PPM1E: variants seen among roughly 807,000 people sequenced by gnomAD.
PPM1E encodes protein phosphatase, Mg2+/Mn2+ dependent 1E.
In PPM1E, 20 loss-of-function variants were observed where a neutral mutation model predicts 65.9. That is an observed-to-expected ratio of 0.30 (90% CI 0.21 to 0.44). The LOEUF (loss-of-function observed/expected upper bound fraction) is 0.44. Ranked by LOEUF, PPM1E falls within the 20% of genes least tolerant of loss-of-function variation. The probability of loss-of-function intolerance (pLI) is 1.00; values close to 1 mark genes in which losing one functional copy is unlikely to be tolerated. For synonymous variants in PPM1E, 352 were observed against 374.9 expected, an observed-to-expected ratio of 0.94 and a Z score of 0.70; for missense variants, 713 against 953.1, an observed-to-expected ratio of 0.75 and a Z score of 3.32.
chr17:58,938,306 C>T (rs2052013487), intron 1 of PPM1E, among the ~76,000 whole-genome samples: 1 of 152,094 alleles, frequency 6.6e-6, no homozygotes, highest in African/African-American at 2.4e-5. Context: ...TAAGGTTACC[C>T]AGCTATAACT....
At chr17:58,860,523 C>T (rs2050928061) in intron 1 of PPM1E, among the ~76,000 whole-genome samples, 1 of 152,112 alleles carries the variant, frequency 6.6e-6, no homozygotes. Context: ...ATGAAGCTGA[C>T]CAAAAGAGGG....
intron 1 of PPM1E, among the ~76,000 whole-genome samples, chr17:58,819,205 G>A: frequency 6.6e-6 from 1 of 152,124 alleles, no homozygotes; most frequent in East Asian, 1.9e-4. Context: ...GAGTGCAGTG[G>A]TGCAATCTCG....
At chr17:58,881,956 T>C (rs929028501) in intron 1 of PPM1E, among the ~76,000 whole-genome samples, 7 of 148,702 alleles carry the variant, frequency 4.7e-5, no homozygotes, top group African/African-American at 1.7e-4. Flanking sequence ...CCCCAGGAGT[T>C]TGAGACCAGC....
chr17:58,839,322 TA>T (rs533486794), intron 1 of PPM1E, among the ~76,000 whole-genome samples: 131 of 148,172 alleles, frequency 8.8e-4, no homozygotes, highest in African/African-American at 2.5e-3. Flanking sequence ...ACCTTGTCTC[TA>T]AAAAAAAAAA....
intron 1 of PPM1E, among the ~76,000 whole-genome samples, chr17:58,883,545 G>A (rs1229678916): frequency 7.0e-6 from 1 of 143,138 alleles, no homozygotes; most frequent in African/African-American, 2.6e-5. Context: ...GTGCAGTGGC[G>A]CGATCTCGGC....
chr17:58,787,900 C>CT (rs2050117324), intron 1 of PPM1E, among the ~76,000 whole-genome samples: 1 of 133,874 alleles, frequency 7.5e-6, no homozygotes, highest in African/African-American at 2.7e-5. Flanking sequence ...GAGTAAGACT[C>CT]TGTCTAAAAA....
At position 58,835,483 on chromosome 17, in the gene PPM1E, C is replaced by G. The variant is rs142709334; in HGVS notation, c.464+79022C>G. ...TGTTCTGGGAAATTTTATTACCTGT[C>G]ATATTGTTGGGCCTTCCCACTGTAG... On this transcript the variant is annotated intron_variant, in intron 1 of 6. Coordinates refer to ENST00000308249, the MANE Select transcript of PPM1E (RefSeq NM_014906.5). Among the ~76,000 whole-genome samples, 876 of 151,976 alleles carry G rather than the reference C, an allele frequency of 5.8e-3. 5 individuals carry two copies. Among genetic ancestry groups the G allele is most frequent in the African/African-American group, 9.4e-3 (388 of 41,432 alleles).
At chr17:58,861,528 T>C (rs1350748143) in intron 1 of PPM1E, among the ~76,000 whole-genome samples, 1 of 152,154 alleles carries the variant, frequency 6.6e-6, no homozygotes, top group Admixed American at 6.5e-5. Flanking sequence ...TTTAAATGGG[T>C]GACGGATATC....
intron 1 of PPM1E, among the ~76,000 whole-genome samples, chr17:58,809,480 A>G (rs1449765118): frequency 2.6e-5 from 4 of 152,046 alleles, no homozygotes; most frequent in Non-Finnish European, 4.4e-5. Context: ...CTTACCTCCC[A>G]GACTCAATCC....
Position 58,756,314 on chromosome 17 carries a change from C to A in PPM1E, c.317C>A (p.Ala106Glu). The A allele has an allele frequency of 6.7e-7, 1 of 1,503,400 alleles. No individual in the cohort carries two copies. Among genetic ancestry groups the A allele is most frequent in the Non-Finnish European group, 8.9e-7 (1 of 1,127,040 alleles). The allele number at this position is 1,503,400 out of a possible 1,614,324, so 93.1% of individuals were successfully genotyped here. A position where few individuals can be genotyped will look rare whatever the true frequency, so the allele number is the denominator to read the frequency against. Reference sequence around the variant, plus strand: ...GAGGAGGAGGGCGCGGCGACGGCGGCGGCAGCCCCGGGGCACTCGGCCGTG... The same window carrying A: ...GAGGAGGAGGGCGCGGCGACGGCGGAGGCAGCCCCGGGGCACTCGGCCGTG... ...EEEEEGAATA[A>E]AAPGHSAVPP... The change falls in exon 1 of 7, where the codon GCG (alanine) becomes GAG (glutamate). Residue 106 changes from alanine to glutamate, a missense_variant. By Grantham distance (107) the Ala-to-Glu change is moderately radical (BLOSUM62 -1). Transcript: ENST00000308249.
chr17:58,808,732 A>G (rs777885163), intron 1 of PPM1E, among the ~76,000 whole-genome samples: 4 of 152,186 alleles, frequency 2.6e-5, no homozygotes, highest in Non-Finnish European at 4.4e-5. Context: ...TGATCACTAC[A>G]ATCTAATTTT....
At chr17:58,882,771 G>A (rs1382666380) in intron 1 of PPM1E, among the ~76,000 whole-genome samples, 1 of 151,898 alleles carries the variant, frequency 6.6e-6, no homozygotes, top group Non-Finnish European at 1.5e-5. Context: ...ACTTCATAAT[G>A]TTCCACAGAG....
intron 2 of PPM1E, among the ~76,000 whole-genome samples, chr17:58,957,507 A>G (rs1056906610): frequency 6.6e-6 from 1 of 152,148 alleles, no homozygotes; most frequent in African/African-American, 2.4e-5. Context: ...CTGATCTACT[A>G]TTATTCTAAA....
intron 1 of PPM1E, among the ~76,000 whole-genome samples, chr17:58,895,976 G>A (rs560069436): frequency 6.8e-4 from 103 of 151,094 alleles, no homozygotes; most frequent in African/African-American, 8.0e-4. Flanking sequence ...TTAGCTGGGT[G>A]TGGTGGCAGG....
chr17:58,850,684 A>G (rs1020748748), intron 1 of PPM1E, among the ~76,000 whole-genome samples: 9 of 152,142 alleles, frequency 5.9e-5, no homozygotes, highest in East Asian at 1.9e-4. Context: ...GAGTAACCCA[A>G]CCTTTCTCTC....
chr17:58,932,778 T>TG (rs1335565486), intron 1 of PPM1E, among the ~76,000 whole-genome samples: 2 of 151,722 alleles, frequency 1.3e-5, no homozygotes, highest in African/African-American at 4.8e-5. Context: ...ACAAAGCAAA[T>TG]GAAAAAAATA....
At chr17:58,964,519 T>C (rs1216084551) in intron 2 of PPM1E, among the ~76,000 whole-genome samples, 2 of 152,082 alleles carry the variant, frequency 1.3e-5, no homozygotes, top group East Asian at 3.9e-4. Flanking sequence ...GGTGAAGCGG[T>C]AGACATAGGT....
chr17:58,973,780 G>A (rs1024159855), intron 6 of PPM1E, among the ~76,000 whole-genome samples: 8 of 151,894 alleles, frequency 5.3e-5, no homozygotes, highest in South Asian at 2.1e-4. Flanking sequence ...ATGAATCCCC[G>A]TCTCTACTAA....
At chr17:58,847,268 A>C (rs2050781132) in intron 1 of PPM1E, among the ~76,000 whole-genome samples, 1 of 152,004 alleles carries the variant, frequency 6.6e-6, no homozygotes, top group Non-Finnish European at 1.5e-5. Flanking sequence ...GAAGCTCTTT[A>C]GTTTAATTAG....
Sources: allele counts gnomAD v4.1 joint callset (sites outside exome capture counted in the v4.1 genomes callset), GRCh38; gene constraint gnomAD v4.1.1; transcripts MANE v1.5; gene names NCBI Gene and HGNC (gene_info 2026-07-23, HGNC 2026-07-21).